The following KPNA3 variants were observed in gnomAD, a reference collection of about 807,000 sequenced individuals.
KPNA3 encodes the protein importin subunit alpha-4.
In KPNA3, 13 loss-of-function variants were observed where a neutral mutation model predicts 73.8. That is an observed-to-expected ratio of 0.18 (90% CI 0.11 to 0.28). The LOEUF (loss-of-function observed/expected upper bound fraction) is 0.28, where lower values mean the gene tolerates loss of function less well. KPNA3 is among the 10% of genes least tolerant of loss of function. The probability of loss-of-function intolerance (pLI) is 1.00; values close to 1 mark genes in which losing one functional copy is unlikely to be tolerated. For missense variants in KPNA3, 360 were observed against 618.1 expected (o/e 0.58, Z 4.43); for synonymous variants, 186 against 206.9 (o/e 0.90, Z 0.87).
intron 6 of KPNA3, among the ~76,000 whole-genome samples, chr13:49,730,938 G>A (rs1323379465): frequency 3.3e-5 from 5 of 151,034 alleles, no homozygotes; most frequent in East Asian, 2.0e-4. Flanking sequence ...CACCACGCCC[G>A]GCTGATTTTT....
At chr13:49,730,504 A>T (rs953882536) in intron 6 of KPNA3, among the ~76,000 whole-genome samples, 2 of 115,880 alleles carry the variant, frequency 1.7e-5, no homozygotes, top group East Asian at 2.9e-4. Context: ...TGGGCAACAG[A>T]GCGAGACTCT....
intron 1 of KPNA3, among the ~76,000 whole-genome samples, chr13:49,762,296 C>T (rs1310302099): frequency 1.3e-5 from 2 of 151,880 alleles, no homozygotes; most frequent in East Asian, 3.9e-4. Context: ...TGGGGGGTGC[C>T]TCTGCCCAGC....
At chr13:49,740,309 A>G (rs1262362012) in intron 2 of KPNA3, among the ~76,000 whole-genome samples, 1 of 152,092 alleles carries the variant, frequency 6.6e-6, no homozygotes, top group Non-Finnish European at 1.5e-5. Flanking sequence ...TGTGTGGTGA[A>G]AACACTTAAA....
At chr13:49,776,533 C>T (rs539116026) in intron 1 of KPNA3, among the ~76,000 whole-genome samples, 22 of 152,256 alleles carry the variant, frequency 1.4e-4, no homozygotes, top group African/African-American at 5.3e-4. Context: ...TATCTGAATG[C>T]TAAGATTTTA....
intron 1 of KPNA3, among the ~76,000 whole-genome samples, chr13:49,775,402 C>T (rs1305971021): frequency 6.6e-6 from 1 of 151,988 alleles, no homozygotes; most frequent in Non-Finnish European, 1.5e-5. Flanking sequence ...GGTGGCCACC[C>T]CTAGGGCAGC....
chr13:49,768,216 C>G (rs1954824242), intron 1 of KPNA3, among the ~76,000 whole-genome samples: 1 of 147,818 alleles, frequency 6.8e-6, no homozygotes, highest in Non-Finnish European at 1.5e-5. Flanking sequence ...GAGGCTGAAG[C>G]TGCAGTGAGC....
chr13:49,751,473 CG>C (rs140326353), intron 1 of KPNA3, among the ~76,000 whole-genome samples: 7 of 152,028 alleles, frequency 4.6e-5, no homozygotes, highest in South Asian at 2.1e-4. Flanking sequence ...ACAATGCAGC[CG>C]GGGGGGTTCT....
intron 2 of KPNA3, among the ~76,000 whole-genome samples, chr13:49,740,289 C>T (rs1028336189): frequency 6.6e-6 from 1 of 151,800 alleles, no homozygotes; most frequent in Non-Finnish European, 1.5e-5. Context: ...CCTTACATTT[C>T]ATTTTTGTGT....
intron 1 of KPNA3, among the ~76,000 whole-genome samples, chr13:49,768,950 G>T (rs959066443): frequency 6.6e-6 from 1 of 152,022 alleles, no homozygotes; most frequent in Non-Finnish European, 1.5e-5. Flanking sequence ...ATAAGGTTGT[G>T]GTATTCTTCA....
At chr13:49,716,007 AT>A (rs61693878) in intron 10 of KPNA3, among the ~76,000 whole-genome samples, 1 of 151,404 alleles carries the variant, frequency 6.6e-6, no homozygotes, top group Non-Finnish European at 1.5e-5. Flanking sequence ...GCAGAAAACT[AT>A]TTTTTTTTCT....
At chr13:49,791,334 T>C (rs1249912715) in intron 1 of KPNA3, among the ~76,000 whole-genome samples, 1 of 152,172 alleles carries the variant, frequency 6.6e-6, no homozygotes, top group Non-Finnish European at 1.5e-5. Flanking sequence ...TTAAAACCAT[T>C]TTCCCCCTAA....
intron 1 of KPNA3, among the ~76,000 whole-genome samples, chr13:49,772,325 C>T (rs1348010194): frequency 6.6e-6 from 1 of 152,102 alleles, no homozygotes; most frequent in Non-Finnish European, 1.5e-5. Context: ...TGCTCTTCAT[C>T]AAGAGAATGT....
chr13:49,723,314 G>A (rs935521531), intron 7 of KPNA3, among the ~76,000 whole-genome samples: 1 of 152,134 alleles, frequency 6.6e-6, no homozygotes, highest in African/African-American at 2.4e-5. Flanking sequence ...GCTCATGCCT[G>A]TAATCCTAAC....
chr13:49,737,306 C>T (rs1954530881), intron 2 of KPNA3, among the ~76,000 whole-genome samples: 1 of 152,188 alleles, frequency 6.6e-6, no homozygotes, highest in African/African-American at 2.4e-5. Context: ...TACCATTTTA[C>T]ATTTCCACCA....
chr13:49,713,726 CAG>C (rs1365738597), intron 10 of KPNA3, among the ~76,000 whole-genome samples: 3 of 151,658 alleles, frequency 2.0e-5, no homozygotes, highest in Non-Finnish European at 4.4e-5. Flanking sequence ...CTTTTTGAGA[CAG>C]AGTCTCACTC....
At chr13:49,780,630 T>A (rs1954933426) in intron 1 of KPNA3, among the ~76,000 whole-genome samples, 1 of 152,098 alleles carries the variant, frequency 6.6e-6, no homozygotes, top group South Asian at 2.1e-4. Context: ...TTTAAAATGT[T>A]CCCCAGCGAA....
At chr13:49,718,711 T>C (rs1270356544) in intron 10 of KPNA3, among the ~76,000 whole-genome samples, 1 of 152,184 alleles carries the variant, frequency 6.6e-6, no homozygotes, top group Non-Finnish European at 1.5e-5. Context: ...TATAAACATG[T>C]TTTACTTCAT....
intron 2 of KPNA3, among the ~76,000 whole-genome samples, chr13:49,735,006 T>C (rs888829948): frequency 1.3e-5 from 2 of 151,972 alleles, no homozygotes; most frequent in Non-Finnish European, 2.9e-5. Flanking sequence ...AGTTTAGAGC[T>C]ATTATAGCTT....
intron 12 of KPNA3, among the ~76,000 whole-genome samples, chr13:49,709,176 G>C (rs1489900306): frequency 6.6e-6 from 1 of 152,174 alleles, no homozygotes; most frequent in Middle Eastern, 3.2e-3. Flanking sequence ...GCTGAAGCAG[G>C]CGGATCACAA....
Sources: allele counts gnomAD v4.1 joint callset (sites outside exome capture counted in the v4.1 genomes callset), GRCh38; gene constraint gnomAD v4.1.1; transcripts MANE v1.5; gene names NCBI Gene and HGNC (gene_info 2026-07-23, HGNC 2026-07-21).